Variants in SRSF5 observed in about 807,000 individuals in gnomAD.
SRSF5 encodes serine/arginine-rich splicing factor 5.
Under a neutral mutation model 34.0 loss-of-function variants are expected in SRSF5, and 5 were observed. The observed-to-expected ratio is 0.15, with a 90% confidence interval of 0.08 to 0.31. SRSF5 has a LOEUF of 0.31. Ranked by LOEUF, SRSF5 falls within the 10% of genes least tolerant of loss-of-function variation. The pLI is 1.00. For synonymous variants in SRSF5, 164 were observed against 117.7 expected (o/e 1.39, Z -2.55); for missense variants, 223 against 351.4 (o/e 0.63, Z 2.92).
intron 5 of SRSF5, chr14:69,769,511 CCTGT>C (rs1218109293): frequency 6.5e-7 from 1 of 1,535,408 alleles, no homozygotes; most frequent in Non-Finnish European, 8.7e-7. Flanking sequence ...TATTTGCCAG[CCTGT>C]CTGTGTCGTT....
intron 5 of SRSF5, chr14:69,769,694 T>C (rs899750600): frequency 7.5e-6 from 11 of 1,471,272 alleles, no homozygotes; most frequent in Non-Finnish European, 9.9e-6. Context: ...AGTGCCAGGT[T>C]GCAGCGATCC....
chr14:69,770,042 GGTAAA>G (rs1451374595), intron 5 of SRSF5: 1 of 1,018,724 alleles, frequency 9.8e-7, no homozygotes, highest in African/African-American at 1.7e-5. Context: ...TAATAATAAA[GGTAAA>G]GTAAACTTTT....
At position 69,770,406 on chromosome 14, in the gene SRSF5, A is replaced by T. The variant is rs1347705758; in HGVS notation, c.367-61A>T. 3 of 1,585,178 alleles carry T rather than the reference A, an allele frequency of 1.9e-6. No homozygotes were observed. The African/African-American group carries it at 4.1e-5, about 22-fold the overall frequency. Reference sequence around the variant, plus strand: ...TCAGTAGTCTTGTTTTTTTTATATCATGTGATTGTTTGTGTGTCCCCTTTC... The same window carrying T: ...TCAGTAGTCTTGTTTTTTTTATATCTTGTGATTGTTTGTGTGTCCCCTTTC... On this transcript the variant is annotated intron_variant, in intron 5 of 7. Coordinates refer to ENST00000557154, the MANE Select transcript of SRSF5 (RefSeq NM_001320214.2).
rs1883160756 is a variant in SRSF5 at position 69,771,206 on chromosome 14, C to T, written c.564C>T (p.Ser188=). The change falls in exon 8 of 8, where the codon AGC becomes AGT. Residue 188 remains serine, a synonymous_variant. Coordinates refer to ENST00000557154, the MANE Select transcript of SRSF5 (RefSeq NM_001320214.2). ...TCATTTTTCATAGTAGGTCAAGAAG[C>T]AGGTCTCGATCCCGGACCAGAAGTT... ...EGSKRHSRSR[S]RSRSRTRSSS... The T allele has an allele frequency of 6.2e-7, 1 of 1,614,132 alleles. No homozygotes were observed. The highest frequency in any genetic ancestry group is 2.2e-5 in the East Asian group (1 of 44,886).
At chr14:69,769,029 TC>T in intron 4 of SRSF5, 133 bp downstream of exon 4, 1 of 1,276,092 alleles carries the variant, frequency 7.8e-7, no homozygotes, top group Non-Finnish European at 1.1e-6. Context: ...AGCCAGTTGT[TC>T]TTGATGAATC....
At chr14:69,770,285 T>G (rs991898235) in intron 5 of SRSF5, 182 bp from the exon 6 acceptor site, 2 of 1,399,400 alleles carry the variant, frequency 1.4e-6, no homozygotes, top group Admixed American at 6.7e-5. Flanking sequence ...ATATGCTATT[T>G]GCTTATTCCG....
intron 5 of SRSF5, chr14:69,769,563 C>A: frequency 1.3e-6 from 2 of 1,535,362 alleles, no homozygotes; most frequent in Non-Finnish European, 1.7e-6. Context: ...TTATCCTAAT[C>A]GTTGTCTTGG....
rs777779615 is a variant in SRSF5, at chr14:69,771,495, A to G, written c.*34A>G. The G allele has an allele frequency of 6.3e-7, 1 of 1,584,198 alleles. No individual in the cohort carries two copies. The highest frequency in any genetic ancestry group is 1.2e-5 in the South Asian group (1 of 86,852). On this transcript the variant is annotated 3_prime_UTR_variant, in exon 8 of 8. Transcript: ENST00000557154. Reference sequence around the variant, plus strand: ...TAACTTGCCCTGGGGGCCTTTTTTTAAAAAACAAAAACCACAAAAATTCCC... The same window carrying G: ...TAACTTGCCCTGGGGGCCTTTTTTTGAAAAACAAAAACCACAAAAATTCCC...
intron 5 of SRSF5, 177 bp from the exon 6 acceptor site, chr14:69,770,290 A>T: frequency 2.1e-6 from 3 of 1,405,356 alleles, no homozygotes; most frequent in Non-Finnish European, 2.8e-6. Context: ...CTATTTGCTT[A>T]TTCCGTGCCC....
intron 6 of SRSF5, chr14:69,770,783 C>T: frequency 1.6e-6 from 1 of 639,136 alleles, no homozygotes; most frequent in Admixed American, 3.0e-5. Context: ...TGCTAAGCAT[C>T]CCACGGTGCA....
rs775971655 is a variant in SRSF5 at position 69,771,108 on chromosome 14, ATC to A, written c.551+7_551+8del. ...ATTGAAGGCAGCAAAAGGCACAGGT[ATC>A]TCTAATTTTTTAAAGTCAAAAGTTG... is the stretch of plus-strand genomic sequence containing the variant. On this transcript the variant is annotated splice_donor_5th_base_variant and intron_variant, in intron 7 of 7. Transcript: ENST00000557154. The A allele has an allele frequency of 1.0e-4, 169 of 1,613,196 alleles. No homozygotes were observed. The highest frequency in any genetic ancestry group is 1.4e-4 in the Non-Finnish European group (165 of 1,179,744).
At chr14:69,769,700 G>A (rs1882988730) in intron 5 of SRSF5, 3 of 1,462,312 alleles carry the variant, frequency 2.1e-6, no homozygotes, top group Non-Finnish European at 2.7e-6. Flanking sequence ...AGGTTGCAGC[G>A]ATCCCAGAGC....
chr14:69,767,459 G>A (rs1269460232), intron 1 of SRSF5: 3 of 455,838 alleles, frequency 6.6e-6, no homozygotes, highest in East Asian at 6.9e-5. Context: ...TGTTCGGGTC[G>A]TTTTTACACA....
chr14:69,770,573 AT>A (rs1292610157), intron 6 of SRSF5, 33 bp downstream of exon 6: 1 of 1,580,280 alleles, frequency 6.3e-7, no homozygotes, highest in Non-Finnish European at 8.6e-7. Flanking sequence ...GTCTTTAAAA[AT>A]ATCCGGAAAA....
chr14:69,767,681 T>C lies in SRSF5; in HGVS notation c.-20+426T>C, dbSNP rs999471330. The stretch of plus-strand genomic sequence containing the variant: ...CTGCCTTTGATTCCACCGCCGCCAT[T>C]TTGTGGCCGCAGAGCGCCCGCCCGC... On this transcript the variant is annotated intron_variant, in intron 1 of 7. Transcript: ENST00000557154. 1.9e-5 allele frequency: 7 copies of C among 364,884 alleles called. No homozygotes were observed. In the East Asian group the frequency reaches 3.1e-4, roughly 16 times the overall value. The allele number at this position is 364,884 out of a possible 1,614,324, so 22.6% of individuals were successfully genotyped here.
intron 7 of SRSF5, 29 bp downstream of exon 7, chr14:69,771,134 T>C (rs1329354925): frequency 2.5e-6 from 4 of 1,612,900 alleles, no homozygotes; most frequent in Non-Finnish European, 3.4e-6. Context: ...AGTCAAAAGT[T>C]GTATTTAATG....
At chr14:69,768,767 T>C (rs774853962) in intron 3 of SRSF5, 31 bp from the exon 4 acceptor site, 2 of 1,612,556 alleles carry the variant, frequency 1.2e-6, no homozygotes, top group South Asian at 1.1e-5. Context: ...AGCTTAAGTG[T>C]GTAACGGAGA....
chr14:69,769,779 G>T, intron 5 of SRSF5: 1 of 1,355,572 alleles, frequency 7.4e-7, no homozygotes, highest in Non-Finnish European at 9.5e-7. Context: ...AAGAGGTCCG[G>T]TCGAAAAGAG....
chr14:69,770,923 C>T, intron 6 of SRSF5, 72 bp from the exon 7 acceptor site: 4 of 1,320,408 alleles, frequency 3.0e-6, no homozygotes, highest in Admixed American at 2.2e-5. Flanking sequence ...AAACGACTTA[C>T]CTAGACTGCT....
Sources: allele counts gnomAD v4.1 joint callset, GRCh38; gene constraint gnomAD v4.1.1; transcripts MANE v1.5; gene names NCBI Gene and HGNC (gene_info 2026-07-23, HGNC 2026-07-21).